Variants in MDM1 observed in about 807,000 individuals in gnomAD.
The protein encoded by MDM1 is Mdm1 nuclear protein.
Under a neutral mutation model 89.1 loss-of-function variants are expected in MDM1, and 61 were observed. The ratio of observed to expected loss-of-function variants is 0.68; its 90% confidence interval spans 0.56 to 0.85. The LOEUF (loss-of-function observed/expected upper bound fraction) is 0.85. MDM1 is among the 40% of genes least tolerant of loss of function. The pLI is 0.00. For synonymous variants in MDM1, 290 were observed against 294.1 expected (o/e 0.99, Z 0.14); for missense variants, 820 against 846.5 (o/e 0.97, Z 0.39).
intron 4 of MDM1, 199 bp from the exon 5 acceptor site, chr12:68,323,439 G>A (rs1464875672): frequency 2.0e-5 from 9 of 439,858 alleles, no homozygotes; most frequent in Non-Finnish European, 7.9e-6. Context: ...TTGAATAACA[G>A]TTTTGTAATC....
intron 1 of MDM1, chr12:68,331,984 G>A (rs925249005): frequency 5.7e-6 from 4 of 700,278 alleles, no homozygotes; most frequent in Non-Finnish European, 1.0e-5. Context: ...GTCCCCCTAA[G>A]TAAATGTGTC....
At chr12:68,331,357 TA>T in intron 1 of MDM1, 136 bp from the exon 2 acceptor site, 1 of 652,898 alleles carries the variant, frequency 1.5e-6, no homozygotes, top group Non-Finnish European at 2.8e-6. Flanking sequence ...AGCTCCTTAA[TA>T]AGAGCTAATA....
Position 68,315,033 on chromosome 12 carries a change from T to C in MDM1, c.1444A>G (p.Arg482Gly), listed in dbSNP as rs549493670. The C allele has an allele frequency of 1.2e-6, 2 of 1,614,216 alleles. No individual in the cohort carries two copies. Among genetic ancestry groups the C allele is most frequent in the African/African-American group, 1.3e-5 (1 of 75,062 alleles). ...ATAAAAGCCTGCTTGCCCGTTTTCC[T>C]GTCCCCTTCCTCTTCATTGTCGTCC... The part of the protein sequence containing the change: ...EEDDNEEEGD[R>G]KTGKQAFMGE... The change falls in exon 10 of 15, where the codon AGG (arginine) becomes GGG (glycine). Residue 482 changes from arginine (R) to glycine (G), a missense_variant. By Grantham distance (125) the Arg-to-Gly change is moderately radical. Transcript: ENST00000682720.
At chr12:68,324,907 TACC>T in intron 4 of MDM1, 1 of 653,474 alleles carries the variant, frequency 1.5e-6, no homozygotes, top group South Asian at 6.9e-5. Flanking sequence ...TGAAATCTAA[TACC>T]ACATCATTAC....
chr12:68,303,757 T>A (rs924469903), intron 12 of MDM1, among the ~76,000 whole-genome samples: 5 of 152,170 alleles, frequency 3.3e-5, no homozygotes, highest in Admixed American at 2.6e-4. Context: ...CTTTCTACAC[T>A]ATGATAAATA....
chr12:68,318,915 AC>A lies in MDM1; in HGVS notation c.1006-2306del, dbSNP rs568680027. Among the ~76,000 whole-genome samples, 607 of 152,312 alleles carry A rather than the reference AC, an allele frequency of 4.0e-3. 8 individuals are homozygous for A. The highest frequency in any genetic ancestry group is 0.014 in the African/African-American group (589 of 41,570). ...GAAACTGGGGATAAAAACTCCTTTT[AC>A]CCAAAAACCATCCCCCCAAAATGAG... On this transcript the variant is annotated intron_variant, in intron 7 of 14. Transcript: ENST00000682720.
chr12:68,331,748 GAACTTTT>G (rs1453803767), intron 1 of MDM1, among the ~76,000 whole-genome samples: 1 of 152,216 alleles, frequency 6.6e-6, no homozygotes, highest in Admixed American at 6.5e-5. Context: ...CAGCTACCTG[GAACTTTT>G]AACATACGCT....
chr12:68,328,234 A>G (rs1314034797), intron 2 of MDM1, among the ~76,000 whole-genome samples: 1 of 152,246 alleles, frequency 6.6e-6, no homozygotes, highest in African/African-American at 2.4e-5. Context: ...ACAAAGCAAC[A>G]GCATCTTATT....
chr12:68,296,368 G>C (rs1175491466), intron 14 of MDM1, among the ~76,000 whole-genome samples: 1 of 152,090 alleles, frequency 6.6e-6, no homozygotes, highest in African/African-American at 2.4e-5. Context: ...TGTGGTAGCG[G>C]ATGCCTGTAA....
rs551318792 is a variant in MDM1 at position 68,320,239 on chromosome 12, TTCCA to T, written c.1005+1104_1005+1107del. On this transcript the variant is annotated intron_variant, in intron 7 of 14. Coordinates refer to ENST00000682720, the MANE Select transcript of MDM1 (RefSeq NM_001354969.2). ...GAGTTTAGCTGACTCACTGCCTTTCTTCCATCACGGGTGCTTTCGATGCTCCTAG... is the reference window on the plus strand; with the variant it reads ...GAGTTTAGCTGACTCACTGCCTTTCTTCACGGGTGCTTTCGATGCTCCTAG... Among the ~76,000 whole-genome samples, 38 of 152,360 alleles carry T rather than the reference TTCCA, an allele frequency of 2.5e-4. 1 individual carries two copies. The East Asian group carries it at 6.9e-3, about 28-fold the overall frequency.
At chr12:68,308,120 GTTCC>G (rs1464121624) in intron 12 of MDM1, among the ~76,000 whole-genome samples, 1 of 149,032 alleles carries the variant, frequency 6.7e-6, no homozygotes, top group Non-Finnish European at 1.5e-5. Context: ...TGCACTTGCT[GTTCC>G]TTCTTTTTTT....
chr12:68,322,503 G>C (rs1456815514), intron 5 of MDM1, among the ~76,000 whole-genome samples: 1 of 152,074 alleles, frequency 6.6e-6, no homozygotes, highest in Non-Finnish European at 1.5e-5. Context: ...GCATGGTGGC[G>C]TGCATCTGTA....
chr12:68,304,370 T>C (rs575222006), intron 12 of MDM1, among the ~76,000 whole-genome samples: 1 of 152,394 alleles, frequency 6.6e-6, no homozygotes, highest in African/African-American at 2.4e-5. Flanking sequence ...TCTTTGATTC[T>C]ATCAATGTAA....
intron 7 of MDM1, among the ~76,000 whole-genome samples, chr12:68,317,316 C>T (rs941734234): frequency 2.0e-5 from 3 of 151,916 alleles, no homozygotes; most frequent in South Asian, 4.1e-4. Flanking sequence ...CCTTAAAATT[C>T]TGTTCAGTAT....
Position 68,301,947 on chromosome 12 carries a change from G to A in MDM1, c.2002+673C>T, listed in dbSNP as rs192857072. ...CCTGCCTTGGCCTCCCAAAGTGGCT[G>A]GGATTACAAACATGAGCCACTGTGC... On this transcript the variant is annotated intron_variant, in intron 13 of 14. Coordinates refer to ENST00000682720, the MANE Select transcript of MDM1 (RefSeq NM_001354969.2). Among the ~76,000 whole-genome samples, 612 of 152,210 alleles carry A rather than the reference G, an allele frequency of 4.0e-3. 2 individuals are homozygous for A. The highest frequency in any genetic ancestry group is 0.017 in the Middle Eastern group (5 of 294).
intron 7 of MDM1, among the ~76,000 whole-genome samples, chr12:68,318,954 A>G (rs1874857543): frequency 6.6e-6 from 1 of 152,180 alleles, no homozygotes. Flanking sequence ...GTCACTTTAT[A>G]CCTAGTCTTT....
intron 2 of MDM1, chr12:68,327,519 T>TA: frequency 1.3e-6 from 2 of 1,533,684 alleles, no homozygotes; most frequent in Non-Finnish European, 1.7e-6. Flanking sequence ...TCCTGAGAAT[T>TA]AAAAAAGAAT....
intron 13 of MDM1, among the ~76,000 whole-genome samples, chr12:68,301,339 C>T (rs1233751272): frequency 6.6e-6 from 1 of 152,158 alleles, no homozygotes; most frequent in Non-Finnish European, 1.5e-5. Flanking sequence ...GGTCATTATT[C>T]TAAATTGAGT....
At chr12:68,296,835 T>C in intron 14 of MDM1, 88 bp downstream of exon 14, 1 of 842,682 alleles carries the variant, frequency 1.2e-6, no homozygotes, top group East Asian at 2.9e-5. Flanking sequence ...AAGTACTTCA[T>C]AAGCTATAAA....
Sources: gnomAD v4.1 joint callset for allele counts (sites outside exome capture counted in the v4.1 genomes callset) on GRCh38, gnomAD v4.1.1 for gene constraint, MANE v1.5 for transcripts, NCBI Gene and HGNC (gene_info 2026-07-23, HGNC 2026-07-21) for gene names.